The following BABAM2 variants were observed in gnomAD, a reference collection of about 807,000 sequenced individuals.
BABAM2 encodes BRISC and BRCA1-A complex member 2.
Under a neutral mutation model 54.7 loss-of-function variants are expected in BABAM2, and 31 were observed. That is an observed-to-expected ratio of 0.57 (90% confidence interval 0.43 to 0.77). The LOEUF (loss-of-function observed/expected upper bound fraction) is 0.77. Ranked by LOEUF, BABAM2 falls within the 30% of genes least tolerant of loss-of-function variation. BABAM2 has a pLI of 0.00. For synonymous variants in BABAM2, 167 were observed against 162.9 expected, an observed-to-expected ratio of 1.03 and a Z score of -0.19; for missense variants, 364 against 455.8, an observed-to-expected ratio of 0.80 and a Z score of 1.83.
chr2:27,944,120 TA>T (rs1295976079), intron 3 of BABAM2, among the ~76,000 whole-genome samples: 1 of 152,196 alleles, frequency 6.6e-6, no homozygotes, highest in African/African-American at 2.4e-5. Context: ...TAAATTAACT[TA>T]TTGGGCATTT....
intron 10 of BABAM2, among the ~76,000 whole-genome samples, chr2:28,252,503 G>A (rs1438832873): frequency 6.6e-6 from 1 of 152,174 alleles, no homozygotes; most frequent in East Asian, 1.9e-4. Context: ...GAGAGCTCCA[G>A]TCCTTCAGCA....
chr2:27,893,611 C>T (rs1268220897), intron 1 of BABAM2, among the ~76,000 whole-genome samples: 1 of 151,988 alleles, frequency 6.6e-6, no homozygotes, highest in African/African-American at 2.4e-5. Context: ...TCTGTTAAAC[C>T]CTGGGGATTC....
intron 7 of BABAM2, among the ~76,000 whole-genome samples, chr2:28,156,556 C>T (rs778955935): frequency 1.3e-5 from 2 of 151,840 alleles, no homozygotes; most frequent in Non-Finnish European, 2.9e-5. Context: ...AGCAGTTGTC[C>T]CCAGCATTAT....
At chr2:28,288,268 C>A (rs1686986158) in intron 10 of BABAM2, among the ~76,000 whole-genome samples, 1 of 151,726 alleles carries the variant, frequency 6.6e-6, no homozygotes, top group Non-Finnish European at 1.5e-5. Flanking sequence ...TTCACAGATA[C>A]AAAGGGCAGG....
intron 5 of BABAM2, among the ~76,000 whole-genome samples, chr2:28,037,637 A>G (rs1333727840): frequency 6.6e-6 from 1 of 152,248 alleles, no homozygotes; most frequent in Non-Finnish European, 1.5e-5. Flanking sequence ...AGTAACTTCC[A>G]TAAAGTTTAT....
chr2:28,054,034 AAAC>A (rs963107204), intron 6 of BABAM2, among the ~76,000 whole-genome samples: 3 of 152,178 alleles, frequency 2.0e-5, no homozygotes, highest in Non-Finnish European at 4.4e-5. Flanking sequence ...AACAAAAACA[AAAC>A]AACGTTTATT....
Position 27,965,649 on chromosome 2 carries a change from C to CTA in BABAM2, c.206-22335_206-22334dup, listed in dbSNP as rs561340175. Among the ~76,000 whole-genome samples the CTA allele has an allele frequency of 5.3e-5, 8 of 151,942 alleles. No individual in the cohort carries two copies. The East Asian group carries it at 1.5e-3, about 29-fold the overall frequency. On this transcript the variant is annotated intron_variant, in intron 3 of 11. Coordinates refer to ENST00000379624, the MANE Select transcript of BABAM2 (RefSeq NM_199191.3). Reference sequence around the variant, plus strand: ...AGTCATTATTCAATTTTTTTGGTTGCTATATATATACACACACGTATACAT... The same window carrying CTA: ...AGTCATTATTCAATTTTTTTGGTTGCTATATATATATACACACACGTATACAT...
intron 10 of BABAM2, among the ~76,000 whole-genome samples, chr2:28,270,268 C>A (rs1354765195): frequency 6.6e-6 from 1 of 152,024 alleles, no homozygotes; most frequent in African/African-American, 2.4e-5. Context: ...GTTACAGGCA[C>A]GTCCCAGCAC....
intron 2 of BABAM2, among the ~76,000 whole-genome samples, chr2:27,895,311 T>C (rs552660592): frequency 6.6e-6 from 1 of 152,332 alleles, no homozygotes; most frequent in African/African-American, 2.4e-5. Context: ...GATCCAATCA[T>C]CATGTCTCCT....
At chr2:28,029,001 A>G (rs1573431061) in intron 5 of BABAM2, among the ~76,000 whole-genome samples, 1 of 152,274 alleles carries the variant, frequency 6.6e-6, no homozygotes, top group East Asian at 1.9e-4. Context: ...TCATGACCTC[A>G]GGTGATCTAC....
intron 3 of BABAM2, among the ~76,000 whole-genome samples, chr2:27,967,859 A>ACATGCCCAAT (rs1172233665): frequency 6.6e-6 from 1 of 152,192 alleles, no homozygotes; most frequent in African/African-American, 2.4e-5. Flanking sequence ...GGAAATTTGA[A>ACATGCCCAAT]CTTGAGAGAG....
intron 7 of BABAM2, among the ~76,000 whole-genome samples, chr2:28,196,765 C>T (rs1307552374): frequency 6.8e-6 from 1 of 147,614 alleles, no homozygotes; most frequent in African/African-American, 2.5e-5. Flanking sequence ...AGAAGGATTG[C>T]TGGAGCCCAG....
chr2:28,228,217 T>C (rs1422204392), intron 7 of BABAM2, among the ~76,000 whole-genome samples: 1 of 152,194 alleles, frequency 6.6e-6, no homozygotes, highest in Non-Finnish European at 1.5e-5. Flanking sequence ...CAGAGACCAG[T>C]GATGTGCACG....
chr2:28,068,863 G>A (rs1663866030), intron 6 of BABAM2, among the ~76,000 whole-genome samples: 1 of 152,174 alleles, frequency 6.6e-6, no homozygotes, highest in African/African-American at 2.4e-5. Flanking sequence ...AAAAATGAGT[G>A]CGTGAATTTA....
chr2:27,979,952 G>A (rs1671884774), intron 3 of BABAM2, among the ~76,000 whole-genome samples: 1 of 152,112 alleles, frequency 6.6e-6, no homozygotes. Context: ...ATTGTCAGCT[G>A]CTAAGGCACA....
chr2:27,990,607 GA>G (rs1238816523), intron 4 of BABAM2, among the ~76,000 whole-genome samples: 1 of 152,100 alleles, frequency 6.6e-6, no homozygotes, highest in Non-Finnish European at 1.5e-5. Context: ...AGTGTAGTCT[GA>G]AGTAGTTCCT....
chr2:28,180,320 C>T (rs1675478761), intron 7 of BABAM2, among the ~76,000 whole-genome samples: 1 of 152,018 alleles, frequency 6.6e-6, no homozygotes, highest in South Asian at 2.1e-4. Context: ...CTTGTATTTA[C>T]AGCCAACTGG....
chr2:28,006,070 C>G (rs1673942388), intron 4 of BABAM2, among the ~76,000 whole-genome samples: 1 of 152,006 alleles, frequency 6.6e-6, no homozygotes. Flanking sequence ...TATGTCAAGT[C>G]TTTTTAAGTT....
chr2:27,902,598 C>T (rs1665871371), intron 2 of BABAM2, among the ~76,000 whole-genome samples: 1 of 152,112 alleles, frequency 6.6e-6, no homozygotes, highest in Admixed American at 6.5e-5. Context: ...GACCTGGTAT[C>T]TCATTGTGGT....
Sources: gnomAD v4.1 joint callset for allele counts (sites outside exome capture counted in the v4.1 genomes callset) on GRCh38, gnomAD v4.1.1 for gene constraint, MANE v1.5 for transcripts, NCBI Gene and HGNC (gene_info 2026-07-23, HGNC 2026-07-21) for gene names.